SIAH3: variants seen among roughly 807,000 people sequenced by gnomAD.
SIAH3 encodes the protein seven in absentia homolog 3.
SIAH3 carries 9 observed loss-of-function variants against 12.6 expected under a neutral mutation model. The observed-to-expected ratio is 0.72, with a 90% CI of 0.43 to 1.25. SIAH3 has a LOEUF of 1.25. Ranked by LOEUF, SIAH3 falls within the 50% of genes most tolerant of loss-of-function variation. SIAH3 has a pLI of 0.00. For missense variants in SIAH3, 390 were observed against 365.4 expected (o/e 1.07, Z -0.55); for synonymous variants, 154 against 151.1 (o/e 1.02, Z -0.14).
intron 1 of SIAH3, among the ~76,000 whole-genome samples, chr13:45,822,851 G>A (rs895145696): frequency 6.6e-6 from 1 of 151,834 alleles, no homozygotes; most frequent in African/African-American, 2.4e-5. Flanking sequence ...CTGCCCCATG[G>A]CCTCCTCCCC....
At chr13:45,789,321 A>G (rs1385347791) in intron 1 of SIAH3, among the ~76,000 whole-genome samples, 2 of 152,124 alleles carry the variant, frequency 1.3e-5, no homozygotes, top group Non-Finnish European at 2.9e-5. Context: ...ATACTTTAGT[A>G]TACGGAATGT....
At chr13:45,795,612 A>T (rs1325655) in intron 1 of SIAH3, among the ~76,000 whole-genome samples, 1 of 151,918 alleles carries the variant, frequency 6.6e-6, no homozygotes, top group Non-Finnish European at 1.5e-5. Context: ...GACACTTTGC[A>T]CCCCTTCATC....
At chr13:45,800,073 A>C (rs1950576324) in intron 1 of SIAH3, among the ~76,000 whole-genome samples, 1 of 152,184 alleles carries the variant, frequency 6.6e-6, no homozygotes, top group African/African-American at 2.4e-5. Context: ...TCTCATCACA[A>C]AATATTTAGA....
In SIAH3 at chr13:45,809,098, A is replaced by T. The variant is rs1481677393; in HGVS notation, c.136-25041T>A. On this transcript the variant is annotated intron_variant, in intron 1 of 1. Coordinates refer to ENST00000400405, the MANE Select transcript of SIAH3 (RefSeq NM_198849.3). ...TAAAAGAAGTTGATGTGGGTCAATG[A>T]CTCCTGAAGTGGACATAAATCCTGA... 6.6e-5 allele frequency among the ~76,000 whole-genome samples: 10 copies of T among 152,050 alleles called. 1 individual carries two copies. Among genetic ancestry groups the T allele is most frequent in the Admixed American group, 6.6e-4 (10 of 15,264 alleles).
At chr13:45,836,845 C>G (rs986059908) in intron 1 of SIAH3, among the ~76,000 whole-genome samples, 1 of 152,220 alleles carries the variant, frequency 6.6e-6, no homozygotes, top group African/African-American at 2.4e-5. Flanking sequence ...TGTTGCTGGA[C>G]GTTCCTGGAT....
At chr13:45,847,678 G>T (rs1239459241) in intron 1 of SIAH3, among the ~76,000 whole-genome samples, 1 of 148,998 alleles carries the variant, frequency 6.7e-6, no homozygotes, top group African/African-American at 2.4e-5. Context: ...GCACCTCAAG[G>T]TTAATGGGGT....
intron 1 of SIAH3, among the ~76,000 whole-genome samples, chr13:45,807,269 C>CTA (rs1220880323): frequency 2.2e-5 from 3 of 135,026 alleles, no homozygotes; most frequent in Non-Finnish European, 5.0e-5. Flanking sequence ...ATAAATACAC[C>CTA]AGAATACTAA....
intron 1 of SIAH3, among the ~76,000 whole-genome samples, chr13:45,831,007 C>T (rs183052059): frequency 8.6e-5 from 13 of 151,984 alleles, no homozygotes; most frequent in South Asian, 2.1e-4. Context: ...GGCGAAACCC[C>T]GTCTTTACTA....
At chr13:45,798,886 C>T (rs912390175) in intron 1 of SIAH3, among the ~76,000 whole-genome samples, 1 of 152,236 alleles carries the variant, frequency 6.6e-6, no homozygotes, top group Non-Finnish European at 1.5e-5. Flanking sequence ...ATATTGGTGA[C>T]TAATTCTTCT....
intron 1 of SIAH3, among the ~76,000 whole-genome samples, chr13:45,837,604 A>AGAAG (rs1555259622): frequency 2.6e-5 from 3 of 114,932 alleles, no homozygotes; most frequent in African/African-American, 1.2e-4. Context: ...AGGGAGGGAC[A>AGAAG]GAGGGAGGGA....
chr13:45,809,607 G>A (rs1221187797), intron 1 of SIAH3, among the ~76,000 whole-genome samples: 1 of 152,138 alleles, frequency 6.6e-6, no homozygotes, highest in African/African-American at 2.4e-5. Context: ...CCTGCATTCT[G>A]ATATTGTAAA....
intron 1 of SIAH3, among the ~76,000 whole-genome samples, chr13:45,849,440 T>C (rs187769068): frequency 6.6e-6 from 1 of 152,356 alleles, no homozygotes; most frequent in Admixed American, 6.5e-5. Context: ...ACAAATTATA[T>C]ATACAATAAC....
intron 1 of SIAH3, among the ~76,000 whole-genome samples, chr13:45,828,572 CTAATG>C (rs1950687110): frequency 6.6e-6 from 1 of 152,210 alleles, no homozygotes; most frequent in African/African-American, 2.4e-5. Context: ...CCCAGCTTAT[CTAATG>C]AAAGATAGTC....
chr13:45,834,609 C>T (rs1037164328), intron 1 of SIAH3, among the ~76,000 whole-genome samples: 16 of 152,130 alleles, frequency 1.1e-4, no homozygotes, highest in East Asian at 9.6e-4. Flanking sequence ...GAGGCTGTCC[C>T]GTTGGGCTTC....
chr13:45,825,076 G>A (rs980182762), intron 1 of SIAH3, among the ~76,000 whole-genome samples: 1 of 151,988 alleles, frequency 6.6e-6, no homozygotes. Flanking sequence ...CGATTTCCAC[G>A]AGATCTTACT....
In SIAH3 at chr13:45,778,215, T is replaced by C. The variant is rs1950491076; in HGVS notation, c.*5168A>G. ...CTTGCTGTGTCTCTTGAATGGTAGA[T>C]ATTTCCAATTTCTAATTTCAAAGTA... On this transcript the variant is annotated 3_prime_UTR_variant, in exon 2 of 2. Coordinates refer to ENST00000400405, the MANE Select transcript of SIAH3 (RefSeq NM_198849.3). The C allele has an allele frequency of 1.3e-5, 2 of 152,256 alleles. No individual in the cohort carries two copies. Among genetic ancestry groups the C allele is most frequent in the African/African-American group, 4.8e-5 (2 of 41,480 alleles). 9.4% of individuals were successfully genotyped at this position (152,256 alleles called of 1,614,324 possible).
chr13:45,791,777 C>T (rs1346485846), intron 1 of SIAH3, among the ~76,000 whole-genome samples: 2 of 152,162 alleles, frequency 1.3e-5, no homozygotes, highest in African/African-American at 4.8e-5. Flanking sequence ...TAATGAATTG[C>T]TTCTCCCAAT....
intron 1 of SIAH3, among the ~76,000 whole-genome samples, chr13:45,843,034 C>CTCTCTGTGTGTGTGTGTGTGTGTG (rs560128772): frequency 1.1e-4 from 15 of 139,288 alleles, no homozygotes; most frequent in Admixed American, 8.3e-4. Flanking sequence ...CTCTCTCTCT[C>CTCTCTGTGTGTGTGTGTGTGTGTG]TGTGTGTGTG....
chr13:45,846,511 A>G (rs1950760844), intron 1 of SIAH3, among the ~76,000 whole-genome samples: 1 of 152,188 alleles, frequency 6.6e-6, no homozygotes, highest in African/African-American at 2.4e-5. Flanking sequence ...AAACAGAGCT[A>G]GTTGGGTGAA....
Sources: allele counts gnomAD v4.1 joint callset (sites outside exome capture counted in the v4.1 genomes callset), GRCh38; gene constraint gnomAD v4.1.1; transcripts MANE v1.5; gene names NCBI Gene and HGNC (gene_info 2026-07-23, HGNC 2026-07-21).